Variants in IKBKB observed in about 807,000 individuals in gnomAD.
The protein encoded by IKBKB is inhibitor of nuclear factor kappa B kinase subunit beta.
IKBKB carries 42 observed loss-of-function variants against 113.6 expected under a neutral mutation model. The observed-to-expected ratio is 0.37, with a 90% CI of 0.29 to 0.48. The LOEUF (loss-of-function observed/expected upper bound fraction) is 0.48. Among genes scored for constraint, IKBKB ranks in the 20% least tolerant of loss-of-function variants. IKBKB has a pLI of 0.99. For missense variants in IKBKB, 673 were observed against 939.7 expected (o/e 0.72, Z 3.71); for synonymous variants, 296 against 361.3 (o/e 0.82, Z 2.05).
chr8:42,272,011 C>A (rs17875658), intron 1 of IKBKB, 72 bp from the exon 2 acceptor site: 1 of 1,250,048 alleles, frequency 8.0e-7, no homozygotes, highest in Non-Finnish European at 1.1e-6. Context: ...GTATCTCTTG[C>A]CTTCTCCATC....
intron 20 of IKBKB, among the ~76,000 whole-genome samples, chr8:42,328,592 G>A (rs1052133377): frequency 3.3e-5 from 5 of 152,186 alleles, no homozygotes; most frequent in South Asian, 2.1e-4. Flanking sequence ...AAAGACGGAT[G>A]TTTTACTACA....
At chr8:42,300,261 C>T (rs1814900791) in intron 5 of IKBKB, among the ~76,000 whole-genome samples, 1 of 152,126 alleles carries the variant, frequency 6.6e-6, no homozygotes, top group African/African-American at 2.4e-5. Context: ...ACAGTAGGAC[C>T]CAGGCAGTAG....
chr8:42,317,241 C>T (rs928586323), intron 11 of IKBKB: 1 of 422,248 alleles, frequency 2.4e-6, no homozygotes, highest in Middle Eastern at 7.0e-4. Context: ...GCTGCACTTT[C>T]TTGAGTCAAC....
chr8:42,317,563 T>C, intron 11 of IKBKB, 94 bp from the exon 12 acceptor site: 2 of 833,490 alleles, frequency 2.4e-6, no homozygotes, highest in South Asian at 2.9e-5. Context: ...ATGCTCTTGC[T>C]GAACAGTGGG....
rs1421520443 is a variant in IKBKB, at chr8:42,271,468, A to T, written c.-20A>T. ...CCCCCTGCCCCGCGTCCCTGCCGAC[A>T]GGTGAGTCCCCCTCGTGGGTGCGGC... is the stretch of plus-strand genomic sequence containing the variant. On this transcript the variant is annotated splice_region_variant and 5_prime_UTR_variant, in exon 1 of 22. Transcript: ENST00000520810. 2 of 1,230,578 alleles carry T rather than the reference A, an allele frequency of 1.6e-6. No homozygotes were observed. Among genetic ancestry groups the T allele is most frequent in the South Asian group, 1.3e-5 (1 of 75,276 alleles). 76.2% of individuals were successfully genotyped at this position (1,230,578 alleles called of 1,614,324 possible).
At chr8:42,299,875 C>T (rs1814791912) in intron 5 of IKBKB, among the ~76,000 whole-genome samples, 2 of 152,214 alleles carry the variant, frequency 1.3e-5, no homozygotes, top group African/African-American at 4.8e-5. Flanking sequence ...GATGTCACCT[C>T]ATTTGCTCCT....
intron 20 of IKBKB, among the ~76,000 whole-genome samples, chr8:42,328,226 C>T (rs1450258871): frequency 6.7e-6 from 1 of 149,966 alleles, no homozygotes; most frequent in Non-Finnish European, 1.5e-5. Context: ...GGATTACAGG[C>T]GTGAGCCACC....
At chr8:42,287,444 C>A (rs944092766) in intron 2 of IKBKB, among the ~76,000 whole-genome samples, 1 of 152,274 alleles carries the variant, frequency 6.6e-6, no homozygotes, top group South Asian at 2.1e-4. Context: ...GAGGGTGAGA[C>A]CCTCTTGAGC....
Position 42,325,994 on chromosome 8 carries a change from G to A in IKBKB, c.2011G>A (p.Gly671Arg). 1.2e-6 allele frequency: 2 copies of A among 1,614,200 alleles called. No individual in the cohort carries two copies. Among genetic ancestry groups the A allele is most frequent in the Non-Finnish European group, 1.7e-6 (2 of 1,180,034 alleles). Residue 671 changes from glycine to arginine, a missense_variant, in exon 20 of 22, where the codon GGA (glycine) becomes AGA (arginine). Physicochemically the swap from Gly to Arg is moderately radical, Grantham distance 125. This residue lies in a region of IKBKB where 506 missense variants were observed against 638.7 expected (regional missense o/e 0.79). Transcript: ENST00000520810. ...ACSKVRGPVSGSPDSMNASRL... is the reference protein window; with the variant it reads ...ACSKVRGPVSRSPDSMNASRL... ...GAGCAAGGTCCGTGGTCCTGTCAGT[G>A]GAAGCCCGGATAGCATGAATGCCTC... is the stretch of plus-strand genomic sequence containing the variant.
chr8:42,295,537 C>T (rs544908344), intron 5 of IKBKB, among the ~76,000 whole-genome samples: 13 of 152,070 alleles, frequency 8.5e-5, no homozygotes, highest in African/African-American at 2.7e-4. Context: ...CCAGCCTGAC[C>T]GAGATGCTGA....
intron 18 of IKBKB, 77 bp from the exon 19 acceptor site, chr8:42,322,270 G>T: frequency 6.3e-7 from 1 of 1,586,072 alleles, no homozygotes; most frequent in South Asian, 1.1e-5. Context: ...TGCAGCTGCT[G>T]ACTGGATGCA....
chr8:42,297,762 G>A (rs926481598), intron 5 of IKBKB, among the ~76,000 whole-genome samples: 6 of 152,152 alleles, frequency 3.9e-5, no homozygotes, highest in African/African-American at 1.4e-4. Context: ...GGGCGTGGTG[G>A]CGTGTGCCTG....
Position 42,311,835 on chromosome 8 carries a change from G to A in IKBKB, c.693-2487G>A, listed in dbSNP as rs182599928. Among the ~76,000 whole-genome samples the A allele has an allele frequency of 7.6e-4, 116 of 152,222 alleles. 1 individual carries two copies. Among genetic ancestry groups the A allele is most frequent in the Middle Eastern group, 3.4e-3 (1 of 294 alleles). The stretch of plus-strand genomic sequence containing the variant: ...TTTATAGTCACACTTTATAGTATAC[G>A]CATTATAAAAATAGCTTTAAATTGC... On this transcript the variant is annotated intron_variant, in intron 8 of 21. Transcript: ENST00000520810.
At chr8:42,292,758 A>G (rs1812917078) in intron 4 of IKBKB, among the ~76,000 whole-genome samples, 1 of 152,158 alleles carries the variant, frequency 6.6e-6, no homozygotes, top group South Asian at 2.1e-4. Flanking sequence ...CAGGGGATTA[A>G]GGGCTTGGGC....
At chr8:42,293,630 A>G in intron 5 of IKBKB, 118 bp downstream of exon 5, 2 of 1,570,778 alleles carry the variant, frequency 1.3e-6, no homozygotes, top group Non-Finnish European at 1.7e-6. Flanking sequence ...TGGAAGGGGA[A>G]TGGGAGCCCA....
chr8:42,325,351 C>T, intron 19 of IKBKB: 1 of 985,694 alleles, frequency 1.0e-6, no homozygotes, highest in Non-Finnish European at 1.2e-6. Flanking sequence ...CTGTCTTCTA[C>T]CTGGAAAACA....
chr8:42,300,439 G>A (rs1157755318), intron 5 of IKBKB, among the ~76,000 whole-genome samples: 4 of 152,166 alleles, frequency 2.6e-5, no homozygotes, highest in Admixed American at 1.3e-4. Context: ...AAACAAAAAT[G>A]TTCTGAAGGG....
intron 2 of IKBKB, 80 bp downstream of exon 2, chr8:42,272,285 G>A (rs1251923612): frequency 6.3e-7 from 1 of 1,592,680 alleles, no homozygotes; most frequent in Non-Finnish European, 8.6e-7. Context: ...GATCCTGCTG[G>A]GCCAAGGGCT....
At chr8:42,275,450 G>T (rs1349041854) in intron 2 of IKBKB, among the ~76,000 whole-genome samples, 1 of 152,132 alleles carries the variant, frequency 6.6e-6, no homozygotes, top group Non-Finnish European at 1.5e-5. Flanking sequence ...CTCTCAAAGT[G>T]CTGGGATTAC....
Sources: allele counts gnomAD v4.1 joint callset (sites outside exome capture counted in the v4.1 genomes callset), GRCh38; gene constraint gnomAD v4.1.1; regional missense constraint gnomAD v4.1.1; transcripts MANE v1.5; gene names NCBI Gene and HGNC (gene_info 2026-07-23, HGNC 2026-07-21).